SLCO6A1: variants seen among roughly 807,000 people sequenced by gnomAD.
SLCO6A1 encodes solute carrier organic anion transporter family member 6A1.
A neutral mutation model predicts 72.7 loss-of-function variants in SLCO6A1; 65 were observed. That is an observed-to-expected ratio of 0.89 (90% CI 0.73 to 1.10). The LOEUF (loss-of-function observed/expected upper bound fraction) is 1.10. SLCO6A1 is among the 50% of genes least tolerant of loss of function. The pLI, the probability that SLCO6A1 is intolerant of heterozygous loss-of-function variation, is 0.00. For missense variants in SLCO6A1, 874 were observed against 872.6 expected, an observed-to-expected ratio of 1.00 and a Z score of -0.02; for synonymous variants, 314 against 298.2, an observed-to-expected ratio of 1.05 and a Z score of -0.55.
intron 9 of SLCO6A1, among the ~76,000 whole-genome samples, chr5:102,404,388 G>A (rs900129667): frequency 2.0e-5 from 3 of 152,204 alleles, no homozygotes; most frequent in African/African-American, 7.2e-5. Context: ...CCAGCTACTT[G>A]GGAGGCTGAG....
chr5:102,374,172 C>T (rs1745649705), intron 12 of SLCO6A1, among the ~76,000 whole-genome samples: 1 of 152,022 alleles, frequency 6.6e-6, no homozygotes, highest in Admixed American at 6.6e-5. Context: ...GCCACCACAC[C>T]TGTCTAATTT....
intron 7 of SLCO6A1, among the ~76,000 whole-genome samples, chr5:102,426,445 A>T (rs1748898914): frequency 6.6e-6 from 1 of 152,178 alleles, no homozygotes; most frequent in Non-Finnish European, 1.5e-5. Context: ...AACCCCATCA[A>T]AAACTGGGCA....
intron 7 of SLCO6A1, among the ~76,000 whole-genome samples, chr5:102,426,540 A>G (rs1462077178): frequency 6.6e-6 from 1 of 152,244 alleles, no homozygotes. Context: ...ACTGGTTATT[A>G]GAGAAATGCA....
At chr5:102,448,565 C>T (rs147005893) in intron 6 of SLCO6A1, among the ~76,000 whole-genome samples, 115 of 152,170 alleles carry the variant, frequency 7.6e-4, no homozygotes, top group Non-Finnish European at 1.3e-3. Flanking sequence ...GTGTTGGTTG[C>T]GTATATATTT....
intron 9 of SLCO6A1, among the ~76,000 whole-genome samples, chr5:102,410,254 G>A (rs1747902183): frequency 6.6e-6 from 1 of 152,056 alleles, no homozygotes; most frequent in Admixed American, 6.5e-5. Flanking sequence ...CTCTGCAACT[G>A]GTCATCCCCA....
At chr5:102,381,437 G>T (rs80352392) in intron 12 of SLCO6A1, among the ~76,000 whole-genome samples, 2,732 of 151,722 alleles carry the variant, frequency 0.018, 78 homozygotes, top group African/African-American at 0.062. Context: ...GTATTCCATT[G>T]TATGTATGTC....
At chr5:102,416,906 C>T (rs1291759767) in intron 8 of SLCO6A1, among the ~76,000 whole-genome samples, 1 of 152,078 alleles carries the variant, frequency 6.6e-6, no homozygotes, top group Non-Finnish European at 1.5e-5. Flanking sequence ...TTTTGATCTA[C>T]TTCTGACCAC....
chr5:102,447,021 G>A (rs951147906), intron 6 of SLCO6A1, among the ~76,000 whole-genome samples: 1 of 152,096 alleles, frequency 6.6e-6, no homozygotes, highest in African/African-American at 2.4e-5. Context: ...CAGAGTGCTG[G>A]GATTACAGGT....
rs147085820 is a variant in SLCO6A1 at position 102,386,125 on chromosome 5, C to G, written c.2017+2563G>C. On this transcript the variant is annotated intron_variant, in intron 12 of 13. Coordinates refer to ENST00000506729, the MANE Select transcript of SLCO6A1 (RefSeq NM_173488.5). ...TTTATTCCAGTCCTTACATACTTGACTAACCCAGTGCCTGGGTCAGCAGAT... is the reference window on the plus strand; with the variant it reads ...TTTATTCCAGTCCTTACATACTTGAGTAACCCAGTGCCTGGGTCAGCAGAT... Among the ~76,000 whole-genome samples, 659 of 152,320 alleles carry G rather than the reference C, an allele frequency of 4.3e-3. 4 individuals carry two copies. Among genetic ancestry groups the G allele is most frequent in the African/African-American group, 0.015 (626 of 41,584 alleles).
intron 8 of SLCO6A1, among the ~76,000 whole-genome samples, chr5:102,418,657 C>T (rs931722192): frequency 2.6e-5 from 4 of 152,108 alleles, no homozygotes; most frequent in Admixed American, 2.6e-4. Flanking sequence ...AATTAAGAGA[C>T]CAAATTAACT....
intron 12 of SLCO6A1, among the ~76,000 whole-genome samples, chr5:102,381,205 T>C (rs1746086246): frequency 6.6e-6 from 1 of 151,896 alleles, no homozygotes; most frequent in South Asian, 2.1e-4. Context: ...TAAAATTTTA[T>C]ATCCTTTGAC....
intron 11 of SLCO6A1, 38 bp downstream of exon 11, chr5:102,390,943 A>AT: frequency 6.4e-7 from 1 of 1,558,926 alleles, no homozygotes; most frequent in Non-Finnish European, 8.8e-7. Context: ...ATATCAAAAA[A>AT]CATTTTGATG....
At chr5:102,418,119 C>G (rs995776515) in intron 8 of SLCO6A1, among the ~76,000 whole-genome samples, 1 of 151,830 alleles carries the variant, frequency 6.6e-6, no homozygotes, top group African/African-American at 2.4e-5. Flanking sequence ...TATTATTCCA[C>G]TGTCTTCTTA....
At chr5:102,372,661 T>G (rs1040535631) in intron 13 of SLCO6A1, among the ~76,000 whole-genome samples, 2 of 150,330 alleles carry the variant, frequency 1.3e-5, no homozygotes, top group African/African-American at 2.4e-5. Flanking sequence ...CTAGTCTTTA[T>G]CAATAAAATC....
chr5:102,446,685 G>A (rs957796454), intron 6 of SLCO6A1, among the ~76,000 whole-genome samples: 2 of 152,092 alleles, frequency 1.3e-5, no homozygotes, highest in South Asian at 4.2e-4. Context: ...GTATGATGTT[G>A]GTTATGGGTT....
intron 7 of SLCO6A1, among the ~76,000 whole-genome samples, chr5:102,438,272 T>C (rs897364365): frequency 2.0e-5 from 3 of 151,752 alleles, no homozygotes; most frequent in Non-Finnish European, 2.9e-5. Context: ...AGAGTATATA[T>C]AAAGTGATAC....
intron 13 of SLCO6A1, among the ~76,000 whole-genome samples, chr5:102,372,557 C>T (rs1012436365): frequency 5.9e-5 from 9 of 151,570 alleles, no homozygotes; most frequent in African/African-American, 2.2e-4. Flanking sequence ...ACATTTTCTA[C>T]ATTTAAATAT....
At position 102,475,772 on chromosome 5, in the gene SLCO6A1, A is replaced by G; in HGVS notation, c.824T>C (p.Met275Thr). The G allele has an allele frequency of 6.2e-7, 1 of 1,607,914 alleles. No individual in the cohort carries two copies. Among genetic ancestry groups the G allele is most frequent in the Non-Finnish European group, 8.5e-7 (1 of 1,176,814 alleles). Residue 275 changes from methionine to threonine, a missense_variant, in exon 4 of 14, where the codon ATG becomes ACG. Met to Thr is a moderately conservative substitution (Grantham distance 81). Transcript: ENST00000506729. ...CACATAACCCAGAGCATATCCAATC[A>G]TTGATGTACATTCTGCAATACCTGT... Reference protein sequence around the residue: ...IYLGIAECTSMIGYALGYVLG... With the variant: ...IYLGIAECTSTIGYALGYVLG...
chr5:102,491,639 A>C (rs1430869529), intron 1 of SLCO6A1, among the ~76,000 whole-genome samples: 3 of 152,210 alleles, frequency 2.0e-5, no homozygotes, highest in Non-Finnish European at 4.4e-5. Flanking sequence ...GGTGGCTCCG[A>C]GTTCAGGGCC....
Sources: allele counts gnomAD v4.1 joint callset (sites outside exome capture counted in the v4.1 genomes callset), GRCh38; gene constraint gnomAD v4.1.1; transcripts MANE v1.5; gene names NCBI Gene and HGNC (gene_info 2026-07-23, HGNC 2026-07-21).